Variants in ERN1 observed in about 807,000 individuals in gnomAD.
ERN1 encodes serine/threonine-protein kinase/endoribonuclease IRE1.
ERN1 carries 39 observed loss-of-function variants against 113.1 expected under a neutral mutation model. The ratio of observed to expected loss-of-function variants is 0.34; its 90% confidence interval spans 0.27 to 0.45. The LOEUF is 0.45. Among genes scored for constraint, ERN1 ranks in the 20% least tolerant of loss-of-function variants. The pLI is 1.00. For missense variants in ERN1, 976 were observed against 1,274.8 expected (o/e 0.77, Z 3.57); for synonymous variants, 507 against 515.9 (o/e 0.98, Z 0.23).
chr17:64,108,161 CTCT>C (rs1467562228), intron 1 of ERN1, among the ~76,000 whole-genome samples: 2 of 151,728 alleles, frequency 1.3e-5, no homozygotes, highest in Non-Finnish European at 2.9e-5. Flanking sequence ...ACAGTTAGGA[CTCT>C]TCTTCAGTTT....
intron 1 of ERN1, among the ~76,000 whole-genome samples, chr17:64,115,127 T>C (rs1415497410): frequency 6.6e-6 from 1 of 152,122 alleles, no homozygotes; most frequent in Non-Finnish European, 1.5e-5. Context: ...ACTATTTTCA[T>C]TACAAGAGGC....
intron 7 of ERN1, 136 bp downstream of exon 7, chr17:64,068,054 C>T: frequency 1.6e-6 from 1 of 640,460 alleles, no homozygotes; most frequent in Admixed American, 2.7e-5. Context: ...ATGATAAGCC[C>T]ATGAAAAGTC....
In ERN1 at chr17:64,115,408, T is replaced by A. The variant is rs909192902; in HGVS notation, c.54+14568A>T. On this transcript the variant is annotated intron_variant, in intron 1 of 21. Transcript: ENST00000433197. ...CACAAGGCAATGCCGCCCCAAGGCCTGTAAAACTCCTGGCTTCAAGGGGTT... is the reference window on the plus strand; with the variant it reads ...CACAAGGCAATGCCGCCCCAAGGCCAGTAAAACTCCTGGCTTCAAGGGGTT... Among the ~76,000 whole-genome samples the A allele has an allele frequency of 2.6e-5, 4 of 152,280 alleles. No individual in the cohort carries two copies. The South Asian group carries it at 8.3e-4, about 32-fold the overall frequency.
intron 12 of ERN1, 62 bp from the exon 13 acceptor site, chr17:64,056,010 G>C: frequency 1.3e-6 from 2 of 1,484,512 alleles, no homozygotes; most frequent in Non-Finnish European, 1.8e-6. Flanking sequence ...CAAGCAGCTG[G>C]GAAGGGACAG....
At chr17:64,098,469 T>A (rs777164049) in intron 1 of ERN1, 3 of 716,258 alleles carry the variant, frequency 4.2e-6, no homozygotes, top group Non-Finnish European at 7.7e-6. Flanking sequence ...TGACCTAACA[T>A]TACAAGGACA....
intron 2 of ERN1, among the ~76,000 whole-genome samples, chr17:64,089,863 TA>T (rs1231583843): frequency 5.3e-5 from 8 of 152,146 alleles, no homozygotes; most frequent in Admixed American, 5.2e-4. Flanking sequence ...CTGAATGAGG[TA>T]AACAACTGCT....
intron 1 of ERN1, among the ~76,000 whole-genome samples, chr17:64,117,618 T>C (rs1914843722): frequency 6.6e-6 from 1 of 152,158 alleles, no homozygotes; most frequent in Non-Finnish European, 1.5e-5. Flanking sequence ...CACCAACCTG[T>C]ACATTACCCC....
At chr17:64,065,695 C>T (rs1368743898) in intron 8 of ERN1, among the ~76,000 whole-genome samples, 2 of 152,166 alleles carry the variant, frequency 1.3e-5, no homozygotes, top group Admixed American at 6.5e-5. Context: ...AGAACTACCC[C>T]CATTCTGCCT....
At chr17:64,129,535 TG>T in intron 1 of ERN1, 2 of 335,670 alleles carry the variant, frequency 6.0e-6, no homozygotes, top group Non-Finnish European at 1.1e-5. Flanking sequence ...ACCCTTCCCC[TG>T]GATCCCAACG....
chr17:64,075,715 A>T (rs1598062074), intron 4 of ERN1, among the ~76,000 whole-genome samples: 1 of 152,224 alleles, frequency 6.6e-6, no homozygotes, highest in Non-Finnish European at 1.5e-5. Flanking sequence ...GGTGCTTCCC[A>T]GGGGTGACAC....
chr17:64,095,372 T>C (rs1278081529), intron 2 of ERN1, among the ~76,000 whole-genome samples: 1 of 152,164 alleles, frequency 6.6e-6, no homozygotes, highest in African/African-American at 2.4e-5. Context: ...AAGGTTTCAG[T>C]GAGCCAAGAT....
intron 5 of ERN1, among the ~76,000 whole-genome samples, chr17:64,073,177 T>A (rs1567870421): frequency 1.3e-5 from 2 of 151,984 alleles, no homozygotes; most frequent in Middle Eastern, 6.8e-3. Context: ...GCTCTTTTTT[T>A]ATTTTTTTTG....
At chr17:64,076,881 C>T (rs1358662189) in intron 4 of ERN1, among the ~76,000 whole-genome samples, 1 of 152,018 alleles carries the variant, frequency 6.6e-6, no homozygotes, top group Non-Finnish European at 1.5e-5. Flanking sequence ...ATTACAGGCC[C>T]GGCTGGGCAT....
chr17:64,113,827 C>T (rs1444116454), intron 1 of ERN1, among the ~76,000 whole-genome samples: 2 of 151,996 alleles, frequency 1.3e-5, no homozygotes, highest in African/African-American at 2.4e-5. Flanking sequence ...GGATTACAGG[C>T]GCCCACCACC....
Position 64,044,122 on chromosome 17 carries a change from T to C in ERN1, c.2800A>G (p.Thr934Ala). The change falls in exon 22 of 22, where the codon ACA (threonine) becomes GCA (alanine). Residue 934 changes from threonine to alanine, a missense_variant. By Grantham distance (58) the Thr-to-Ala change is moderately conservative. This residue lies in a region of ERN1 where 92 missense variants were observed against 87.3 expected (regional missense o/e 1.05). Transcript: ENST00000433197. The surrounding 1 kb of genome is among the most constrained non-coding windows in gnomAD (Gnocchi z 4.1). ...GCGAGGAGGTGGGGGAAGCGAGATGTGAAGTAGCACACGAAGTCGTCGGGG... is the reference window on the plus strand; with the variant it reads ...GCGAGGAGGTGGGGGAAGCGAGATGCGAAGTAGCACACGAAGTCGTCGGGG... ...SLPDDFVCYF[T>A]SRFPHLLAHT... 1 of 1,609,912 alleles carries C rather than the reference T, an allele frequency of 6.2e-7. No homozygotes were observed. The highest frequency in any genetic ancestry group is 8.5e-7 in the Non-Finnish European group (1 of 1,177,750).
chr17:64,052,689 C>T, intron 17 of ERN1, 91 bp downstream of exon 17: 3 of 1,188,316 alleles, frequency 2.5e-6, no homozygotes, highest in Non-Finnish European at 2.3e-6. Flanking sequence ...ACACGGGCAC[C>T]AGCCCCCAAA....
chr17:64,046,438 T>C (rs1243578095), intron 19 of ERN1, among the ~76,000 whole-genome samples: 2 of 152,254 alleles, frequency 1.3e-5, no homozygotes, highest in East Asian at 3.8e-4. Flanking sequence ...GTGGGTTTTA[T>C]TCCTGTTCTA....
At chr17:64,058,405 T>C (rs1020732167) in intron 11 of ERN1, among the ~76,000 whole-genome samples, 4 of 152,202 alleles carry the variant, frequency 2.6e-5, no homozygotes, top group African/African-American at 9.7e-5. Flanking sequence ...CATTTCACAT[T>C]AAAAGGAAAT....
At chr17:64,126,021 T>C (rs1324771383) in intron 1 of ERN1, among the ~76,000 whole-genome samples, 3 of 152,120 alleles carry the variant, frequency 2.0e-5, no homozygotes, top group African/African-American at 7.2e-5. Context: ...ACCAGCTGTG[T>C]TGCTCTAAGG....
Sources: allele counts gnomAD v4.1 joint callset (sites outside exome capture counted in the v4.1 genomes callset), GRCh38; gene constraint gnomAD v4.1.1; regional missense constraint gnomAD v4.1.1; non-coding constraint Gnocchi (gnomAD v3.1); transcripts MANE v1.5; gene names NCBI Gene and HGNC (gene_info 2026-07-23, HGNC 2026-07-21).